Variants in STEAP2 observed in about 807,000 individuals in gnomAD.
STEAP2 encodes STEAP2 metalloreductase.
A neutral mutation model predicts 46.4 loss-of-function variants in STEAP2; 30 were observed. The observed-to-expected ratio is 0.65, with a 90% CI of 0.48 to 0.88. The LOEUF is 0.88. STEAP2 is among the 40% of genes least tolerant of loss of function. The pLI is 0.00. For missense variants in STEAP2, 513 were observed against 579.3 expected (o/e 0.89, Z 1.18); for synonymous variants, 180 against 200.5 (o/e 0.90, Z 0.86).
Position 90,233,362 on chromosome 7 carries a change from C to A in STEAP2, c.*738C>A. 1.0e-6 allele frequency: 1 copy of A among 984,800 alleles called. No individual in the cohort carries two copies. Among genetic ancestry groups the A allele is most frequent in the Non-Finnish European group, 1.2e-6 (1 of 829,428 alleles). The allele number at this position is 984,800 out of a possible 1,614,324, so 61.0% of individuals were successfully genotyped here. A position where few individuals can be genotyped will look rare whatever the true frequency, so the allele number is the denominator to read the frequency against. ...ACTGATCAGGAAGAGGATTCAGTAA[C>A]ATTTGGCTTCCAAAACTGCTATCTC... On this transcript the variant is annotated 3_prime_UTR_variant, in exon 6 of 6. Coordinates refer to ENST00000394621, the MANE Select transcript of STEAP2 (RefSeq NM_001244944.2).
intron 2 of STEAP2, among the ~76,000 whole-genome samples, chr7:90,221,778 G>T (rs1181733693): frequency 2.0e-5 from 3 of 152,094 alleles, no homozygotes; most frequent in Non-Finnish European, 2.9e-5. Context: ...TCTAAAAACA[G>T]CAAGAGAATG....
In STEAP2 at chr7:90,232,628, C is replaced by T. The variant is rs194526; in HGVS notation, c.*4C>T. ...GGAGAGGGTCACAGTAATGTGATGACAAATGGTGTTCACAGCTGCCATATA... is the reference window on the plus strand; with the variant it reads ...GGAGAGGGTCACAGTAATGTGATGATAAATGGTGTTCACAGCTGCCATATA... On this transcript the variant is annotated 3_prime_UTR_variant, in exon 6 of 6. Coordinates refer to ENST00000394621, the MANE Select transcript of STEAP2 (RefSeq NM_001244944.2). 0.87 allele frequency: 1,386,202 copies of T among 1,597,602 alleles called. 603,116 individuals carry two copies. The highest frequency in any genetic ancestry group is 1 in the East Asian group (44,798 of 44,816).
chr7:90,235,076 A>T lies in STEAP2; in HGVS notation c.*2452A>T. 1 of 948,144 alleles carries T rather than the reference A, an allele frequency of 1.1e-6. No individual in the cohort carries two copies. The highest frequency in any genetic ancestry group is 1.3e-6 in the Non-Finnish European group (1 of 795,838). 58.7% of individuals were successfully genotyped at this position (948,144 alleles called of 1,614,324 possible). On this transcript the variant is annotated 3_prime_UTR_variant, in exon 6 of 6. Transcript: ENST00000394621. Reference sequence around the variant, plus strand: ...CTTTTAACACTATGCTTAACCACTTAATGTGATGAAATATTCCTAAAAGTT... The same window carrying T: ...CTTTTAACACTATGCTTAACCACTTTATGTGATGAAATATTCCTAAAAGTT...
intron 2 of STEAP2, among the ~76,000 whole-genome samples, chr7:90,220,053 G>T (rs1285207893): frequency 6.6e-6 from 1 of 152,144 alleles, no homozygotes; most frequent in Non-Finnish European, 1.5e-5. Flanking sequence ...TTTGTTGAGA[G>T]TTTTTGTATC....
At chr7:90,240,777 T>A (rs566024541), downstream of STEAP2, among the ~76,000 whole-genome samples, 1 of 152,350 alleles carries the variant, frequency 6.6e-6, no homozygotes, top group African/African-American at 2.4e-5. This position sits in a 1 kb window ranked among gnomAD's most constrained non-coding sequence, Gnocchi z 4.1. Flanking sequence ...ATTTGTAACT[T>A]AACAGAGATA....
At position 90,217,169 on chromosome 7, in the gene STEAP2, A is replaced by G. The variant is rs546601090; in HGVS notation, c.-34+566A>G. On this transcript the variant is annotated intron_variant, in intron 2 of 5. Coordinates refer to ENST00000394621, the MANE Select transcript of STEAP2 (RefSeq NM_001244944.2). ...GTTACATATCTATGGGGTACACATG[A>G]GTATTTGTTATATCCATAGAATGTG... is the stretch of plus-strand genomic sequence containing the variant. Among the ~76,000 whole-genome samples, 5 of 152,348 alleles carry G rather than the reference A, an allele frequency of 3.3e-5. No individual in the cohort carries two copies. In the East Asian group the frequency reaches 9.6e-4, roughly 29 times the overall value.
chr7:90,232,489 G>A lies in STEAP2; in HGVS notation c.1338G>A (p.Lys446=), dbSNP rs1246478233. 1 of 1,613,712 alleles carries A rather than the reference G, an allele frequency of 6.2e-7. No individual in the cohort carries two copies. The highest frequency in any genetic ancestry group is 8.5e-7 in the Non-Finnish European group (1 of 1,179,748). The part of the protein sequence containing the change: ...LVLPSIVILG[K]IILFLPCISR... Reference sequence around the variant, plus strand: ...TGCCCTCAATTGTAATTCTGGGTAAGATTATTTTATTCCTTCCATGTATAA... The same window carrying A: ...TGCCCTCAATTGTAATTCTGGGTAAAATTATTTTATTCCTTCCATGTATAA... The change falls in exon 6 of 6, where the codon AAG becomes AAA. Residue 446 remains lysine (K), a synonymous_variant. Coordinates refer to ENST00000394621, the MANE Select transcript of STEAP2 (RefSeq NM_001244944.2).
At chr7:90,230,157 G>T in intron 5 of STEAP2, 121 bp downstream of exon 5, 1 of 1,505,258 alleles carries the variant, frequency 6.6e-7, no homozygotes, top group Non-Finnish European at 8.8e-7. Context: ...TATGCATCTA[G>T]ATACATTATG....
intron 2 of STEAP2, among the ~76,000 whole-genome samples, chr7:90,222,150 C>T (rs1448003075): frequency 6.6e-6 from 1 of 152,052 alleles, no homozygotes; most frequent in Non-Finnish European, 1.5e-5. Context: ...TTTAACCACT[C>T]CTGATTCCCA....
intron 4 of STEAP2, among the ~76,000 whole-genome samples, chr7:90,228,333 G>A (rs1795585766): frequency 6.6e-6 from 1 of 151,378 alleles, no homozygotes; most frequent in Non-Finnish European, 1.5e-5. Context: ...ACTTAAGCTT[G>A]TTTCAACAAT....
chr7:90,233,926 CAGTT>C lies in STEAP2; in HGVS notation c.*1304_*1307del. The C allele has an allele frequency of 1.0e-6, 1 of 985,306 alleles. No homozygotes were observed. The highest frequency in any genetic ancestry group is 1.2e-6 in the Non-Finnish European group (1 of 829,910). The allele number at this position is 985,306 out of a possible 1,614,324, so 61.0% of individuals were successfully genotyped here. A position where few individuals can be genotyped will look rare whatever the true frequency, so the allele number is the denominator to read the frequency against. On this transcript the variant is annotated 3_prime_UTR_variant, in exon 6 of 6. Transcript: ENST00000394621. ...TTATTACTGCTTGTAGGGTAATTCACAGTTACTTACCCTATTCTTGCTTGGAACA... is the reference window on the plus strand; with the variant it reads ...TTATTACTGCTTGTAGGGTAATTCACACTTACCCTATTCTTGCTTGGAACA...
Position 90,232,884 on chromosome 7 carries a change from T to C in STEAP2, c.*260T>C, listed in dbSNP as rs13238006. 9.3e-7 allele frequency: 1 copy of C among 1,074,520 alleles called. No individual in the cohort carries two copies. Among genetic ancestry groups the C allele is most frequent in the Non-Finnish European group, 1.1e-6 (1 of 886,472 alleles). 66.6% of individuals were successfully genotyped at this position (1,074,520 alleles called of 1,614,324 possible). ...GTTTTGCACAACTGTAACCCTGTTG[T>C]TACTTTATATTTCATAATCAGGCAA... On this transcript the variant is annotated 3_prime_UTR_variant, in exon 6 of 6. Transcript: ENST00000394621.
downstream of STEAP2, among the ~76,000 whole-genome samples, chr7:90,239,718 A>T (rs1796038594): frequency 6.6e-6 from 1 of 151,996 alleles, no homozygotes; most frequent in Admixed American, 6.6e-5. Context: ...TTTTACTTTC[A>T]ATTTGTTTAC....
Position 90,234,760 on chromosome 7 carries a change from A to C in STEAP2, c.*2136A>C. The C allele has an allele frequency of 1.8e-6, 1 of 570,720 alleles. No homozygotes were observed. The highest frequency in any genetic ancestry group is 2.2e-6 in the Non-Finnish European group (1 of 451,640). 35.4% of individuals were successfully genotyped at this position (570,720 alleles called of 1,614,324 possible). A position where few individuals can be genotyped will look rare whatever the true frequency, so the allele number is the denominator to read the frequency against. Reference sequence around the variant, plus strand: ...AGTAGAGACGGAGTTTCACCGTGTTAGCCAGGATGGTCTCGATCTCCTGAC... The same window carrying C: ...AGTAGAGACGGAGTTTCACCGTGTTCGCCAGGATGGTCTCGATCTCCTGAC... On this transcript the variant is annotated 3_prime_UTR_variant, in exon 6 of 6. Transcript: ENST00000394621.
chr7:90,226,112 T>C (rs2116292181), intron 3 of STEAP2, among the ~76,000 whole-genome samples: 1 of 152,292 alleles, frequency 6.6e-6, no homozygotes, highest in East Asian at 1.9e-4. Flanking sequence ...CTTTTTTCTC[T>C]TTTGCATATC....
chr7:90,243,389 T>C, the STEAP2 span, among the ~76,000 whole-genome samples: 1 of 152,132 alleles, frequency 6.6e-6, no homozygotes, highest in Non-Finnish European at 1.5e-5. Flanking sequence ...TTAAAAGAGT[T>C]AGAGTTTTTT....
In STEAP2 at chr7:90,230,105, TA is replaced by T. The variant is rs538130451; in HGVS notation, c.1185+72del. 147 of 1,564,132 alleles carry T rather than the reference TA, an allele frequency of 9.4e-5. 3 individuals are homozygous for T. In the East Asian group the frequency reaches 2.4e-3, roughly 26 times the overall value. The stretch of plus-strand genomic sequence containing the variant: ...TTCCTTGTTAAGAACAACTGCATTT[TA>T]AATATGTTCCTTATTAAAAGGGTGC... On this transcript the variant is annotated intron_variant, in intron 5 of 5. Transcript: ENST00000394621.
In STEAP2 at chr7:90,218,092, C is replaced by A. The variant is rs191719939; in HGVS notation, c.-34+1489C>A. 1.4e-4 allele frequency among the ~76,000 whole-genome samples: 22 copies of A among 152,092 alleles called. 1 individual carries two copies. The highest frequency in any genetic ancestry group is 1.4e-3 in the Admixed American group (22 of 15,270). On this transcript the variant is annotated intron_variant, in intron 2 of 5. Transcript: ENST00000394621. ...TCTTTGGAAAAATGTCTATTCATGA[C>A]CTTTACCCATTTTTATGGGATTATG...
Position 90,233,451 on chromosome 7 carries a change from G to C in STEAP2, c.*827G>C. ...TACTTAGAACAAAAGTATCAAGTTTGCACACAAGTAATCTGCCAGCTGACC... is the reference window on the plus strand; with the variant it reads ...TACTTAGAACAAAAGTATCAAGTTTCCACACAAGTAATCTGCCAGCTGACC... On this transcript the variant is annotated 3_prime_UTR_variant, in exon 6 of 6. Coordinates refer to ENST00000394621, the MANE Select transcript of STEAP2 (RefSeq NM_001244944.2). 1 of 985,326 alleles carries C rather than the reference G, an allele frequency of 1.0e-6. No individual in the cohort carries two copies. The highest frequency in any genetic ancestry group is 1.1e-4 in the East Asian group (1 of 8,814). 61.0% of individuals were successfully genotyped at this position (985,326 alleles called of 1,614,324 possible). A position where few individuals can be genotyped will look rare whatever the true frequency, so the allele number is the denominator to read the frequency against.
Sources: gnomAD v4.1 joint callset for allele counts (sites outside exome capture counted in the v4.1 genomes callset) on GRCh38, gnomAD v4.1.1 for gene constraint, Gnocchi (gnomAD v3.1) non-coding constraint, MANE v1.5 for transcripts, NCBI Gene and HGNC (gene_info 2026-07-23, HGNC 2026-07-21) for gene names.